Variants in ZDHHC14 observed in about 807,000 individuals in gnomAD.
The protein encoded by ZDHHC14 is palmitoyltransferase ZDHHC14.
Under a neutral mutation model 47.7 loss-of-function variants are expected in ZDHHC14, and 16 were observed. The ratio of observed to expected loss-of-function variants is 0.34; its 90% CI spans 0.23 to 0.51. ZDHHC14 has a LOEUF of 0.51. ZDHHC14 is among the 20% of genes least tolerant of loss of function. The probability of loss-of-function intolerance (pLI) is 0.97; values close to 1 mark genes in which losing one functional copy is unlikely to be tolerated. For synonymous variants in ZDHHC14, 293 were observed against 278.9 expected (o/e 1.05, Z -0.50); for missense variants, 515 against 662.5 (o/e 0.78, Z 2.44).
chr6:157,450,669 G>T (rs1325103417), intron 1 of ZDHHC14, among the ~76,000 whole-genome samples: 2 of 152,204 alleles, frequency 1.3e-5, no homozygotes, highest in Admixed American at 6.5e-5. Context: ...TAACCAGTTT[G>T]TGAAAAAGTC....
chr6:157,658,089 T>C (rs1198502701), intron 8 of ZDHHC14, among the ~76,000 whole-genome samples: 2 of 152,206 alleles, frequency 1.3e-5, no homozygotes, highest in Non-Finnish European at 2.9e-5. Context: ...CTATTATTAT[T>C]ATCCCCCTGA....
chr6:157,638,154 A>AT (rs1169590522), intron 5 of ZDHHC14, among the ~76,000 whole-genome samples: 1 of 152,126 alleles, frequency 6.6e-6, no homozygotes, highest in East Asian at 1.9e-4. Flanking sequence ...TGCCTGACTC[A>AT]TTTTCAGGTG....
intron 1 of ZDHHC14, among the ~76,000 whole-genome samples, chr6:157,382,914 G>C (rs913118238): frequency 2.6e-5 from 4 of 152,176 alleles, no homozygotes; most frequent in Non-Finnish European, 4.4e-5. Context: ...CAAAAAGGTT[G>C]CAATAAAAGG....
intron 3 of ZDHHC14, among the ~76,000 whole-genome samples, chr6:157,605,965 A>T (rs143596328): frequency 1.3e-5 from 2 of 152,328 alleles, no homozygotes; most frequent in African/African-American, 4.8e-5. Flanking sequence ...TCAACTTGCT[A>T]GTTCTTCCCC....
chr6:157,649,556 G>T (rs542221632), intron 7 of ZDHHC14, among the ~76,000 whole-genome samples: 25 of 152,340 alleles, frequency 1.6e-4, no homozygotes, highest in African/African-American at 5.8e-4. Context: ...TCCCGGCCAG[G>T]CCTACCCACT....
At chr6:157,670,848 G>A (rs779321485) in intron 8 of ZDHHC14, among the ~76,000 whole-genome samples, 14 of 152,162 alleles carry the variant, frequency 9.2e-5, no homozygotes, top group Non-Finnish European at 1.5e-4. Context: ...GCAGATTCTT[G>A]AAGACTGCAG....
chr6:157,637,682 G>A (rs915744677), intron 5 of ZDHHC14, among the ~76,000 whole-genome samples: 1 of 152,296 alleles, frequency 6.6e-6, no homozygotes, highest in Non-Finnish European at 1.5e-5. Context: ...AGTGACCTCT[G>A]CAGCGTTTTC....
At chr6:157,412,387 G>A (rs1777887772) in intron 1 of ZDHHC14, among the ~76,000 whole-genome samples, 1 of 151,814 alleles carries the variant, frequency 6.6e-6, no homozygotes, top group African/African-American at 2.4e-5. Context: ...CTACCTCCTA[G>A]GTTCAAGTGG....
intron 1 of ZDHHC14, among the ~76,000 whole-genome samples, chr6:157,440,815 A>G (rs1778547136): frequency 1.3e-5 from 2 of 152,210 alleles, no homozygotes; most frequent in Non-Finnish European, 2.9e-5. Flanking sequence ...GCTATCACAT[A>G]TTTTATGGGA....
chr6:157,402,833 TCTCCTGC>T (rs996188964), intron 1 of ZDHHC14, among the ~76,000 whole-genome samples: 2 of 152,136 alleles, frequency 1.3e-5, no homozygotes, highest in African/African-American at 4.8e-5. Context: ...TTCAAGCAAT[TCTCCTGC>T]CTCAGCCTCC....
chr6:157,668,339 GA>G (rs1209965930), intron 8 of ZDHHC14, among the ~76,000 whole-genome samples: 1 of 152,064 alleles, frequency 6.6e-6, no homozygotes, highest in Non-Finnish European at 1.5e-5. Flanking sequence ...GGGTTCCAAA[GA>G]GTCATTTGGA....
intron 8 of ZDHHC14, among the ~76,000 whole-genome samples, chr6:157,670,434 C>T (rs977819701): frequency 6.6e-6 from 1 of 152,190 alleles, no homozygotes; most frequent in African/African-American, 2.4e-5. Context: ...GCTGGGATTA[C>T]ATTTGTGTGC....
At chr6:157,577,983 A>G (rs1424946800) in intron 2 of ZDHHC14, among the ~76,000 whole-genome samples, 1 of 152,148 alleles carries the variant, frequency 6.6e-6, no homozygotes, top group African/African-American at 2.4e-5. Flanking sequence ...TGTTAACCAC[A>G]TGTATATCTT....
At chr6:157,565,857 C>T (rs34395960) in intron 2 of ZDHHC14, among the ~76,000 whole-genome samples, 74,357 of 151,256 alleles carry the variant, frequency 0.49, 18,996 homozygotes, top group African/African-American at 0.65. Flanking sequence ...GAATCCTAGA[C>T]CCAAAACAGA....
At chr6:157,473,807 T>C (rs1779412166) in intron 1 of ZDHHC14, among the ~76,000 whole-genome samples, 1 of 152,174 alleles carries the variant, frequency 6.6e-6, no homozygotes, top group African/African-American at 2.4e-5. Flanking sequence ...ACTTTCAGGC[T>C]ACATGTGTAA....
chr6:157,386,333 C>T (rs1239686455), intron 1 of ZDHHC14, among the ~76,000 whole-genome samples: 2 of 151,946 alleles, frequency 1.3e-5, no homozygotes, highest in Admixed American at 1.3e-4. Flanking sequence ...ATAGTGAGAC[C>T]CCATCTCTAA....
intron 1 of ZDHHC14, among the ~76,000 whole-genome samples, chr6:157,402,839 G>C (rs1562411600): frequency 6.6e-6 from 1 of 152,130 alleles, no homozygotes; most frequent in Non-Finnish European, 1.5e-5. Context: ...CAATTCTCCT[G>C]CCTCAGCCTC....
At chr6:157,466,612 C>T (rs543978914) in intron 1 of ZDHHC14, among the ~76,000 whole-genome samples, 5 of 152,116 alleles carry the variant, frequency 3.3e-5, no homozygotes, top group Non-Finnish European at 7.4e-5. Flanking sequence ...CCAAGGTGGG[C>T]GGATCACCTG....
intron 2 of ZDHHC14, among the ~76,000 whole-genome samples, chr6:157,573,113 C>T (rs1003121069): frequency 1.3e-5 from 2 of 152,090 alleles, no homozygotes; most frequent in Non-Finnish European, 2.9e-5. Context: ...AACCAGCTTC[C>T]TGTTCCGAGA....
Sources: allele counts gnomAD v4.1 joint callset (sites outside exome capture counted in the v4.1 genomes callset), GRCh38; gene constraint gnomAD v4.1.1; transcripts MANE v1.5; gene names NCBI Gene and HGNC (gene_info 2026-07-23, HGNC 2026-07-21).